Variants in ANO5 observed in about 807,000 individuals in gnomAD.
ANO5 encodes the protein anoctamin 5, also known as anoctamin-5.
Under a neutral mutation model 121.0 loss-of-function variants are expected in ANO5, and 109 were observed. That is an observed-to-expected ratio of 0.90 (90% CI 0.77 to 1.06). The LOEUF (loss-of-function observed/expected upper bound fraction) is 1.06. Among genes scored for constraint, ANO5 ranks in the 50% least tolerant of loss-of-function variants. The pLI is 0.00. For synonymous variants in ANO5, 406 were observed against 359.9 expected (o/e 1.13, Z -1.45); for missense variants, 1,064 against 1,078.5 (o/e 0.99, Z 0.19).
At chr11:22,232,632 A>G (rs1564926589) in intron 7 of ANO5, among the ~76,000 whole-genome samples, 1 of 152,006 alleles carries the variant, frequency 6.6e-6, no homozygotes, top group Non-Finnish European at 1.5e-5. Context: ...TTTACTTTTT[A>G]CATTGACAAC....
At chr11:22,205,028 A>G (rs1345279755) in intron 2 of ANO5, among the ~76,000 whole-genome samples, 1 of 152,184 alleles carries the variant, frequency 6.6e-6, no homozygotes, top group Non-Finnish European at 1.5e-5. Flanking sequence ...AAAAATGACA[A>G]GATCATGTCC....
Position 22,203,747 on chromosome 11 carries a change from A to G in ANO5, c.41-57A>G. On this transcript the variant is annotated intron_variant, in intron 1 of 21. Transcript: ENST00000324559. Reference sequence around the variant, plus strand: ...TATTTTTTCCTTACACAGACTTTTGAATATGTTCTGATCAGTGGCTAATTT... The same window carrying G: ...TATTTTTTCCTTACACAGACTTTTGGATATGTTCTGATCAGTGGCTAATTT... The G allele has an allele frequency of 3.6e-6, 4 of 1,103,266 alleles. No homozygotes were observed. In the South Asian group the frequency reaches 5.4e-5, roughly 15 times the overall value. 68.3% of individuals were successfully genotyped at this position (1,103,266 alleles called of 1,614,324 possible).
In ANO5 at chr11:22,280,697, A is replaced by C. The variant is rs917065228; in HGVS notation, c.*932A>C. 5.3e-5 allele frequency: 8 copies of C among 152,012 alleles called. No homozygotes were observed. The highest frequency in any genetic ancestry group is 1.5e-5 in the Non-Finnish European group (1 of 67,868). The allele number at this position is 152,012 out of a possible 1,614,324, so 9.4% of individuals were successfully genotyped here. ...AGCCTTTTTGTATAAGTTAGATACG[A>C]GTTGTTTATGATAAACATTTCTTTG... On this transcript the variant is annotated 3_prime_UTR_variant, in exon 22 of 22. Coordinates refer to ENST00000324559, the MANE Select transcript of ANO5 (RefSeq NM_213599.3).
intron 2 of ANO5, among the ~76,000 whole-genome samples, chr11:22,204,939 A>G (rs970279277): frequency 6.6e-6 from 1 of 152,186 alleles, no homozygotes; most frequent in Non-Finnish European, 1.5e-5. Flanking sequence ...AAGACATGGA[A>G]TCAACCTAAA....
rs1302774605 is a variant in ANO5 at position 22,250,353 on chromosome 11, TG to T, written c.997del (p.Glu333AsnfsTer18). ...TGTTTTATTTATGGCTTATTATCAA[TG>T]GAACATAACACAAGCAGGTAAGTGC... is the stretch of plus-strand genomic sequence containing the variant. Reference protein sequence around the residue: ...LACFIYGLLSMEHNTSSTEIC... With the variant: ...LACFIYGLLSXEHNTSSTEIC... On this transcript the variant is annotated frameshift_variant, in exon 10 of 22. Coordinates refer to ENST00000324559, the MANE Select transcript of ANO5 (RefSeq NM_213599.3). LOFTEE classifies it high-confidence loss of function. 1 of 1,613,580 alleles carries T rather than the reference TG, an allele frequency of 6.2e-7. No homozygotes were observed. The highest frequency in any genetic ancestry group is 1.7e-5 in the Admixed American group (1 of 59,986).
intron 20 of ANO5, 65 bp from the exon 21 acceptor site, chr11:22,276,029 G>T: frequency 9.3e-7 from 1 of 1,077,584 alleles, no homozygotes; most frequent in South Asian, 1.3e-5. Flanking sequence ...AATTATGTGA[G>T]GTCTCTCTAG....
chr11:22,195,998 G>A (rs191761536), intron 1 of ANO5, among the ~76,000 whole-genome samples: 122 of 152,244 alleles, frequency 8.0e-4, no homozygotes, highest in Admixed American at 2.5e-3. Flanking sequence ...CATATGACTC[G>A]TATATTTTTA....
At chr11:22,238,591 G>T (rs1372201476) in intron 8 of ANO5, among the ~76,000 whole-genome samples, 2 of 151,964 alleles carry the variant, frequency 1.3e-5, no homozygotes, top group African/African-American at 2.4e-5. Flanking sequence ...ACCCACATAG[G>T]CTGCTTTTTT....
chr11:22,264,250 C>T (rs1406536887), intron 17 of ANO5, among the ~76,000 whole-genome samples: 2 of 151,926 alleles, frequency 1.3e-5, no homozygotes, highest in Admixed American at 6.6e-5. Flanking sequence ...GTCTGGAACT[C>T]CTGACTTCAG....
intron 18 of ANO5, among the ~76,000 whole-genome samples, chr11:22,271,983 T>A (rs1854632709): frequency 6.6e-6 from 1 of 152,080 alleles, no homozygotes; most frequent in Non-Finnish European, 1.5e-5. Flanking sequence ...CAGAAATATT[T>A]GAGATATATT....
At position 22,193,552 on chromosome 11, in the gene ANO5, C is replaced by G; in HGVS notation, c.40+20C>G. ...AGGAAGGTAGGACCGCGCCAAGAGG[C>G]GTCAAGGGAGAGCCAGGCTGGCTGC... On this transcript the variant is annotated intron_variant, in intron 1 of 21. Coordinates refer to ENST00000324559, the MANE Select transcript of ANO5 (RefSeq NM_213599.3). The G allele has an allele frequency of 6.2e-7, 1 of 1,610,812 alleles. No individual in the cohort carries two copies. The highest frequency in any genetic ancestry group is 8.5e-7 in the Non-Finnish European group (1 of 1,179,066).
Position 22,230,933 on chromosome 11 carries a change from A to G in ANO5, c.648+3347A>G, listed in dbSNP as rs573751211. Among the ~76,000 whole-genome samples the G allele has an allele frequency of 3.7e-4, 57 of 152,098 alleles. 1 individual carries two copies. Among genetic ancestry groups the G allele is most frequent in the African/African-American group, 1.4e-3 (57 of 41,516 alleles). On this transcript the variant is annotated intron_variant, in intron 7 of 21. Coordinates refer to ENST00000324559, the MANE Select transcript of ANO5 (RefSeq NM_213599.3). ...TTATCCAAAATTATAGTCGTCATTC[A>G]TGAGATCTACTGAAATGCATTTTAA...
chr11:22,261,842 G>A (rs1564943384), intron 15 of ANO5, among the ~76,000 whole-genome samples: 1 of 152,092 alleles, frequency 6.6e-6, no homozygotes. Flanking sequence ...CATATCATGT[G>A]GGTTTGAATT....
intron 1 of ANO5, among the ~76,000 whole-genome samples, chr11:22,196,608 C>T (rs1171835135): frequency 1.3e-5 from 2 of 151,730 alleles, no homozygotes; most frequent in East Asian, 1.9e-4. Context: ...TGTTGGCTCA[C>T]GCCTGTAATC....
At chr11:22,275,483 G>C (rs1288056500) in intron 20 of ANO5, among the ~76,000 whole-genome samples, 1 of 151,848 alleles carries the variant, frequency 6.6e-6, no homozygotes, top group Non-Finnish European at 1.5e-5. Flanking sequence ...TTAAGAGCAT[G>C]GCCACTGGTG....
chr11:22,235,128 T>A (rs1181241223), intron 7 of ANO5, among the ~76,000 whole-genome samples: 1 of 152,088 alleles, frequency 6.6e-6, no homozygotes, highest in African/African-American at 2.4e-5. Context: ...TTTTTTCAAA[T>A]AATGTATTTT....
chr11:22,203,965 T>A, intron 2 of ANO5, 115 bp downstream of exon 2: 1 of 635,448 alleles, frequency 1.6e-6, no homozygotes, highest in Non-Finnish European at 2.6e-6. Flanking sequence ...TGCCCTCTAA[T>A]TTATTCATTT....
chr11:22,265,529 C>T (rs1323495991), intron 17 of ANO5, among the ~76,000 whole-genome samples: 1 of 152,050 alleles, frequency 6.6e-6, no homozygotes, highest in East Asian at 1.9e-4. Flanking sequence ...AATTTGTTAG[C>T]TCCAAACAAA....
chr11:22,200,973 A>G lies in ANO5; in HGVS notation c.41-2831A>G, dbSNP rs373972591. ...ATTGGTTTCAGGATACCCCACTGGTACCAAAATCCAAGGATGCTCAAGTCC... is the reference window on the plus strand; with the variant it reads ...ATTGGTTTCAGGATACCCCACTGGTGCCAAAATCCAAGGATGCTCAAGTCC... On this transcript the variant is annotated intron_variant, in intron 1 of 21. Coordinates refer to ENST00000324559, the MANE Select transcript of ANO5 (RefSeq NM_213599.3). Among the ~76,000 whole-genome samples the G allele has an allele frequency of 1.6e-4, 25 of 152,262 alleles. No individual in the cohort carries two copies. In the East Asian group the frequency reaches 2.7e-3, roughly 16 times the overall value.
Sources: gnomAD v4.1 joint callset for allele counts (sites outside exome capture counted in the v4.1 genomes callset) on GRCh38, gnomAD v4.1.1 for gene constraint, MANE v1.5 for transcripts, NCBI Gene and HGNC (gene_info 2026-07-23, HGNC 2026-07-21) for gene names.